PDE4D: variants seen among roughly 807,000 people sequenced by gnomAD.
PDE4D encodes the protein 3',5'-cyclic-AMP phosphodiesterase 4D.
A neutral mutation model predicts 87.4 loss-of-function variants in PDE4D; 24 were observed. The ratio of observed to expected loss-of-function variants is 0.27; its 90% CI spans 0.20 to 0.39. The LOEUF is 0.39. Among genes scored for constraint, PDE4D ranks in the 10% least tolerant of loss-of-function variants. The pLI, the probability that PDE4D is intolerant of heterozygous loss-of-function variation, is 1.00. For missense variants in PDE4D, 714 were observed against 1,041.0 expected (o/e 0.69, Z 4.32); for synonymous variants, 384 against 383.2 (o/e 1.00, Z -0.02).
At chr5:59,832,386 G>A (rs961832925) in intron 1 of PDE4D, among the ~76,000 whole-genome samples, 8 of 152,026 alleles carry the variant, frequency 5.3e-5, no homozygotes, top group African/African-American at 1.4e-4. Flanking sequence ...AGAGAAATTG[G>A]AAAATGAGTC....
At chr5:59,633,044 A>T (rs926269139) in intron 1 of PDE4D, among the ~76,000 whole-genome samples, 2 of 152,164 alleles carry the variant, frequency 1.3e-5, no homozygotes, top group Admixed American at 1.3e-4. Context: ...GAACATAAAT[A>T]ACCTGATGGA....
At chr5:60,176,099 G>A (rs1783878065) in intron 2 of PDE4D, among the ~76,000 whole-genome samples, 1 of 152,250 alleles carries the variant, frequency 6.6e-6, no homozygotes, top group East Asian at 1.9e-4. Context: ...GGTTTGTGGA[G>A]GAAAAGCCTG....
chr5:60,359,611 C>T (rs1480016475), intron 1 of PDE4D, among the ~76,000 whole-genome samples: 1 of 152,148 alleles, frequency 6.6e-6, no homozygotes, highest in Admixed American at 6.5e-5. Context: ...AGGAAAATTG[C>T]TTGTTCCCTA....
intron 5 of PDE4D, among the ~76,000 whole-genome samples, chr5:59,096,192 G>T (rs1434243857): frequency 6.6e-6 from 1 of 152,070 alleles, no homozygotes; most frequent in Non-Finnish European, 1.5e-5. Context: ...CAGAGCAATG[G>T]TTTTTTTAAT....
intron 1 of PDE4D, among the ~76,000 whole-genome samples, chr5:59,672,767 G>T (rs981891364): frequency 1.3e-5 from 2 of 152,046 alleles, no homozygotes; most frequent in Admixed American, 6.5e-5. Context: ...TTGCATCCAG[G>T]TTTAAAGTTC....
In PDE4D at chr5:58,977,177, T is replaced by G; in HGVS notation, c.1707+14A>C. On this transcript the variant is annotated intron_variant, in intron 12 of 14. Coordinates refer to ENST00000340635, the MANE Select transcript of PDE4D (RefSeq NM_001104631.2). The stretch of plus-strand genomic sequence containing the variant: ...CATCACAGTTCTCTTCTTTGGCTTT[T>G]ATCAGCTACTTACGATGTCAATGAC... The G allele has an allele frequency of 6.3e-7, 1 of 1,598,706 alleles. No homozygotes were observed.
intron 1 of PDE4D, among the ~76,000 whole-genome samples, chr5:59,357,181 A>G (rs911430656): frequency 6.6e-6 from 1 of 152,188 alleles, no homozygotes; most frequent in Admixed American, 6.5e-5. Flanking sequence ...CCACTCCTGA[A>G]AAGCACAACA....
intron 6 of PDE4D, among the ~76,000 whole-genome samples, chr5:59,006,972 ACTGT>A (rs1751750617): frequency 1.3e-5 from 2 of 152,186 alleles, no homozygotes; most frequent in Non-Finnish European, 2.9e-5. Flanking sequence ...TTGAACCCAG[ACTGT>A]CTGGTTTCAG....
chr5:59,947,461 TTAC>T (rs1418159329), intron 3 of PDE4D, among the ~76,000 whole-genome samples: 4 of 152,126 alleles, frequency 2.6e-5, no homozygotes, highest in African/African-American at 9.7e-5. Context: ...ATTGTAAGTC[TTAC>T]ATTTTGTGAG....
intron 1 of PDE4D, among the ~76,000 whole-genome samples, chr5:59,863,757 G>GAT: frequency 6.6e-6 from 1 of 152,270 alleles, no homozygotes; most frequent in South Asian, 2.1e-4. Flanking sequence ...CTAAGTACCA[G>GAT]ATATTTTTAG....
intron 1 of PDE4D, among the ~76,000 whole-genome samples, chr5:59,715,385 G>A (rs1754861344): frequency 6.6e-6 from 1 of 152,184 alleles, no homozygotes; most frequent in Admixed American, 6.5e-5. Context: ...TTTAAGGAAG[G>A]GCATCCCCCC....
At chr5:60,204,037 T>G (rs1400930246) in intron 1 of PDE4D, among the ~76,000 whole-genome samples, 1 of 152,184 alleles carries the variant, frequency 6.6e-6, no homozygotes, top group African/African-American at 2.4e-5. Flanking sequence ...TTGATTGAAT[T>G]AACTGTATAC....
intron 5 of PDE4D, among the ~76,000 whole-genome samples, chr5:59,133,339 G>C (rs1329346406): frequency 6.6e-6 from 1 of 152,120 alleles, no homozygotes; most frequent in African/African-American, 2.4e-5. Context: ...CCACTTCCTA[G>C]CTTGGTGAAG....
At chr5:60,319,278 G>A (rs533625283) in intron 1 of PDE4D, among the ~76,000 whole-genome samples, 5 of 152,092 alleles carry the variant, frequency 3.3e-5, no homozygotes, top group African/African-American at 7.2e-5. Context: ...TGATCAAATC[G>A]GCTACTGAGG....
intron 5 of PDE4D, among the ~76,000 whole-genome samples, chr5:59,068,593 G>C (rs1252443173): frequency 6.6e-6 from 1 of 152,146 alleles, no homozygotes; most frequent in Non-Finnish European, 1.5e-5. Flanking sequence ...ATGCAAAAAT[G>C]TAACACCTCC....
At chr5:59,413,449 C>G (rs1382547920) in intron 1 of PDE4D, among the ~76,000 whole-genome samples, 1 of 101,858 alleles carries the variant, frequency 9.8e-6, no homozygotes, top group Non-Finnish European at 1.7e-5. Flanking sequence ...CTGAGTGAGA[C>G]TCCATCTCAA....
chr5:59,960,397 C>T (rs1372531258), intron 3 of PDE4D, among the ~76,000 whole-genome samples: 1 of 152,102 alleles, frequency 6.6e-6, no homozygotes, highest in Non-Finnish European at 1.5e-5. Context: ...GATGCCTGCA[C>T]TTGTATGTAT....
intron 2 of PDE4D, among the ~76,000 whole-genome samples, chr5:60,118,654 A>G (rs989411849): frequency 3.3e-5 from 5 of 151,778 alleles, no homozygotes; most frequent in Admixed American, 6.6e-5. Flanking sequence ...ATGGCCATTC[A>G]GAATTGAAAT....
At chr5:60,219,498 C>T (rs377603975) in intron 1 of PDE4D, among the ~76,000 whole-genome samples, 3 of 152,110 alleles carry the variant, frequency 2.0e-5, no homozygotes, top group Admixed American at 6.5e-5. Flanking sequence ...ACTTGCTCCA[C>T]GTCAGATACG....
Sources: gnomAD v4.1 joint callset for allele counts (sites outside exome capture counted in the v4.1 genomes callset) on GRCh38, gnomAD v4.1.1 for gene constraint, MANE v1.5 for transcripts, NCBI Gene and HGNC (gene_info 2026-07-23, HGNC 2026-07-21) for gene names.